Variants in DNAH9 observed in about 807,000 individuals in gnomAD.
DNAH9 encodes the protein dynein axonemal heavy chain 9.
Under a neutral mutation model 471.6 loss-of-function variants are expected in DNAH9, and 345 were observed. The observed-to-expected ratio is 0.73, with a 90% CI of 0.67 to 0.80. The LOEUF (loss-of-function observed/expected upper bound fraction) is 0.80, where lower values mean the gene tolerates loss of function less well. DNAH9 is among the 30% of genes least tolerant of loss of function. The pLI is 0.00. For missense variants in DNAH9, 5,407 were observed against 5,609.2 expected (o/e 0.96, Z 1.15); for synonymous variants, 2,093 against 2,123.6 (o/e 0.99, Z 0.40).
chr17:11,649,083 C>T (rs528141210), intron 12 of DNAH9, among the ~76,000 whole-genome samples: 98 of 150,844 alleles, frequency 6.5e-4, no homozygotes, highest in African/African-American at 1.9e-3. Flanking sequence ...GCCGAGATTG[C>T]GCCATTGCAC....
intron 1 of DNAH9, among the ~76,000 whole-genome samples, chr17:11,607,240 T>A (rs1422786503): frequency 6.6e-6 from 1 of 151,848 alleles, no homozygotes; most frequent in Non-Finnish European, 1.5e-5. Context: ...TGCCTGAGAG[T>A]GATGGAGATG....
chr17:11,656,031 C>T (rs1402439409), intron 14 of DNAH9, among the ~76,000 whole-genome samples: 2 of 152,122 alleles, frequency 1.3e-5, no homozygotes, highest in Non-Finnish European at 2.9e-5. Flanking sequence ...CGGGCCTGTG[C>T]CCAGTATCTT....
intron 10 of DNAH9, among the ~76,000 whole-genome samples, chr17:11,644,126 T>C (rs2073332958): frequency 6.6e-6 from 1 of 152,004 alleles, no homozygotes; most frequent in Admixed American, 6.6e-5. Flanking sequence ...GCCATGGGAG[T>C]AATGCGTTGC....
At chr17:11,693,069 C>CTTTTTT (rs35936347) in intron 20 of DNAH9, among the ~76,000 whole-genome samples, 1 of 101,338 alleles carries the variant, frequency 9.9e-6, no homozygotes, top group African/African-American at 3.7e-5. Flanking sequence ...CCATGACCGG[C>CTTTTTT]TTTTTTTTTT....
At chr17:11,967,811 G>C (rs1294373297) in intron 68 of DNAH9, among the ~76,000 whole-genome samples, 2 of 152,192 alleles carry the variant, frequency 1.3e-5, no homozygotes, top group Non-Finnish European at 2.9e-5. Flanking sequence ...TACTGTATCA[G>C]ACAAAATAGA....
rs1976233682 is a variant in DNAH9 at position 11,961,991 on chromosome 17, ACCT to A, written c.12973_12975del (p.Leu4325del). 3.1e-6 allele frequency: 5 copies of A among 1,613,916 alleles called. No homozygotes were observed. Among genetic ancestry groups the A allele is most frequent in the African/African-American group, 2.7e-5 (2 of 74,864 alleles). ...GCAGGCCTGGCAGCCTGGTTTCCAGACCTCCTCAACAGAATCAAGGAGCTAGAG... is the reference window on the plus strand; with the variant it reads ...GCAGGCCTGGCAGCCTGGTTTCCAGACCTCAACAGAATCAAGGAGCTAGAG... On this transcript the variant is annotated inframe_deletion, in exon 68 of 69. Coordinates refer to ENST00000262442, the MANE Select transcript of DNAH9 (RefSeq NM_001372.4).
At chr17:11,878,402 G>A (rs1333027066) in intron 53 of DNAH9, among the ~76,000 whole-genome samples, 3 of 151,938 alleles carry the variant, frequency 2.0e-5, no homozygotes, top group Admixed American at 6.6e-5. Context: ...ACTTTTGTGA[G>A]GTTTTACCTA....
At chr17:11,762,773 T>TTTTTTTTTG (rs1967751809) in intron 35 of DNAH9, among the ~76,000 whole-genome samples, 2 of 109,226 alleles carry the variant, frequency 1.8e-5, no homozygotes, top group Admixed American at 9.4e-5. Context: ...TTTTTTTGTT[T>TTTTTTTTTG]TTTTTTTTTT....
chr17:11,922,990 C>G (rs188961631), intron 61 of DNAH9, among the ~76,000 whole-genome samples: 2 of 152,158 alleles, frequency 1.3e-5, no homozygotes, highest in Non-Finnish European at 2.9e-5. Flanking sequence ...GCAATCCTAC[C>G]CCTCTTTGGG....
chr17:11,784,216 T>A, intron 40 of DNAH9, 84 bp from the exon 41 acceptor site: 1 of 1,583,034 alleles, frequency 6.3e-7, no homozygotes, highest in Admixed American at 1.7e-5. Context: ...TGTATAAGAA[T>A]TTTCTGTTAT....
At chr17:11,938,728 A>C (rs879744527) in intron 66 of DNAH9, among the ~76,000 whole-genome samples, 1 of 152,142 alleles carries the variant, frequency 6.6e-6, no homozygotes, top group Non-Finnish European at 1.5e-5. Context: ...CCTCCTGAGT[A>C]GCTAGGACTG....
At chr17:11,694,030 A>G in intron 21 of DNAH9, 32 bp downstream of exon 21, 1 of 1,604,436 alleles carries the variant, frequency 6.2e-7, no homozygotes, top group South Asian at 1.1e-5. Context: ...CTTCTCTAAT[A>G]AGAAGGCATC....
At chr17:11,664,145 G>C (rs144590229) in intron 14 of DNAH9, among the ~76,000 whole-genome samples, 2 of 152,130 alleles carry the variant, frequency 1.3e-5, no homozygotes, top group Admixed American at 6.5e-5. Context: ...TGGGATGTCT[G>C]TACTTGGCAT....
At chr17:11,922,648 C>G (rs1974173747) in intron 61 of DNAH9, among the ~76,000 whole-genome samples, 1 of 152,134 alleles carries the variant, frequency 6.6e-6, no homozygotes, top group Admixed American at 6.6e-5. Flanking sequence ...AAAATTCACA[C>G]CTACACAACT....
chr17:11,800,546 T>C (rs957045106), intron 43 of DNAH9, among the ~76,000 whole-genome samples: 3 of 152,126 alleles, frequency 2.0e-5, no homozygotes, highest in African/African-American at 7.2e-5. Flanking sequence ...ATTTCTCCGC[T>C]CCTATCCGCA....
At chr17:11,714,406 A>G (rs1032311903) in intron 26 of DNAH9, among the ~76,000 whole-genome samples, 14 of 152,140 alleles carry the variant, frequency 9.2e-5, no homozygotes, top group East Asian at 3.9e-4. Context: ...TCAAGTTATG[A>G]GTGAAGACAT....
At chr17:11,636,574 T>A in intron 8 of DNAH9, 60 bp from the exon 9 acceptor site, 1 of 1,393,374 alleles carries the variant, frequency 7.2e-7, no homozygotes, top group Non-Finnish European at 1.0e-6. Context: ...TGGATTTGTA[T>A]AACCATGGAA....
At chr17:11,936,008 A>G (rs1974701898) in intron 65 of DNAH9, among the ~76,000 whole-genome samples, 1 of 152,232 alleles carries the variant, frequency 6.6e-6, no homozygotes, top group Admixed American at 6.5e-5. Flanking sequence ...AGGAGGCTGG[A>G]GCAAGTAACA....
chr17:11,670,780 C>A (rs1054563393), intron 17 of DNAH9, among the ~76,000 whole-genome samples: 1 of 151,782 alleles, frequency 6.6e-6, no homozygotes, highest in African/African-American at 2.4e-5. Flanking sequence ...CTCTGCTCAC[C>A]ACAACCTCTG....
Sources: allele counts gnomAD v4.1 joint callset (sites outside exome capture counted in the v4.1 genomes callset), GRCh38; gene constraint gnomAD v4.1.1; transcripts MANE v1.5; gene names NCBI Gene and HGNC (gene_info 2026-07-23, HGNC 2026-07-21).